DZIP3: variants seen among roughly 807,000 people sequenced by gnomAD.
The protein encoded by DZIP3 is E3 ubiquitin-protein ligase DZIP3.
Under a neutral mutation model 162.0 loss-of-function variants are expected in DZIP3, and 118 were observed. That is an observed-to-expected ratio of 0.73 (90% CI 0.63 to 0.85). DZIP3 has a LOEUF of 0.85. Ranked by LOEUF, DZIP3 falls within the 40% of genes least tolerant of loss-of-function variation. The pLI, the probability that DZIP3 is intolerant of heterozygous loss-of-function variation, is 0.00. For missense variants in DZIP3, 1,331 were observed against 1,407.0 expected, an observed-to-expected ratio of 0.95 and a Z score of 0.86; for synonymous variants, 438 against 458.6, an observed-to-expected ratio of 0.96 and a Z score of 0.57.
In DZIP3 at chr3:108,635,605, A is replaced by G. The variant is rs188209594; in HGVS notation, c.918+633A>G. On this transcript the variant is annotated intron_variant, in intron 10 of 32. Transcript: ENST00000361582. ...TATATATAACTAACTACATAATTAT[A>G]TATAACTATATAACTTATATAATTA... 2.3e-3 allele frequency among the ~76,000 whole-genome samples: 319 copies of G among 135,776 alleles called. 2 individuals are homozygous for G. Among genetic ancestry groups the G allele is most frequent in the African/African-American group, 7.8e-3 (307 of 39,424 alleles). The allele number at this position is 135,776 out of a possible 152,430, so 89.1% of individuals were successfully genotyped here.
At chr3:108,680,773 A>T (rs137914941) in intron 26 of DZIP3, among the ~76,000 whole-genome samples, 189 of 152,310 alleles carry the variant, frequency 1.2e-3, no homozygotes, top group African/African-American at 4.3e-3. Flanking sequence ...CCAATGGAAC[A>T]GAACAGAAGC....
chr3:108,635,466 C>T (rs888100055), intron 10 of DZIP3: 6 of 181,330 alleles, frequency 3.3e-5, no homozygotes, highest in Non-Finnish European at 4.4e-5. Context: ...ATAATAGTTA[C>T]ATATCATATG....
intron 1 of DZIP3, among the ~76,000 whole-genome samples, chr3:108,599,011 A>C (rs1430368272): frequency 6.6e-6 from 1 of 152,244 alleles, no homozygotes; most frequent in African/African-American, 2.4e-5. Context: ...GTGTAAGTCC[A>C]AAAGTAACTA....
Position 108,596,795 on chromosome 3 carries a change from A to G in DZIP3, c.-73+6956A>G, listed in dbSNP as rs1309032364. 2.6e-5 allele frequency among the ~76,000 whole-genome samples: 4 copies of G among 152,172 alleles called. No individual in the cohort carries two copies. In the East Asian group the frequency reaches 7.7e-4, roughly 29 times the overall value. On this transcript the variant is annotated intron_variant, in intron 1 of 32. Coordinates refer to ENST00000361582, the MANE Select transcript of DZIP3 (RefSeq NM_014648.4). Reference sequence around the variant, plus strand: ...CAAGGAATGAAAACAAAGTTTTCCTAACTTCATGGGGCTTATATTCTAGTG... The same window carrying G: ...CAAGGAATGAAAACAAAGTTTTCCTGACTTCATGGGGCTTATATTCTAGTG...
At chr3:108,622,693 G>A (rs1026256804) in intron 5 of DZIP3, among the ~76,000 whole-genome samples, 4 of 152,022 alleles carry the variant, frequency 2.6e-5, no homozygotes, top group Admixed American at 1.3e-4. Flanking sequence ...TGCATTAGGG[G>A]ACACTCTAAG....
Position 108,684,150 on chromosome 3 carries a change from C to G in DZIP3, c.2884-66C>G, listed in dbSNP as rs762313756. 313 of 1,514,748 alleles carry G rather than the reference C, an allele frequency of 2.1e-4. 1 individual carries two copies. The highest frequency in any genetic ancestry group is 2.5e-4 in the Non-Finnish European group (284 of 1,126,102). 93.8% of individuals were successfully genotyped at this position (1,514,748 alleles called of 1,614,324 possible). On this transcript the variant is annotated intron_variant, in intron 26 of 32. Coordinates refer to ENST00000361582, the MANE Select transcript of DZIP3 (RefSeq NM_014648.4). ...ATTGCTGTATGAATTTAGATGATTG[C>G]CTAAATAAATATATAAATATGTGGG...
At chr3:108,593,590 G>A (rs961895440) in intron 1 of DZIP3, among the ~76,000 whole-genome samples, 5 of 151,308 alleles carry the variant, frequency 3.3e-5, no homozygotes, top group African/African-American at 1.2e-4. Flanking sequence ...CTTGTAGGCT[G>A]TACACAGCTG....
chr3:108,682,026 A>G (rs1303448706), intron 26 of DZIP3, among the ~76,000 whole-genome samples: 1 of 150,610 alleles, frequency 6.6e-6, no homozygotes, highest in African/African-American at 2.5e-5. Context: ...ATGTATACCT[A>G]TGAAACAAAC....
At chr3:108,633,990 C>G (rs1037161941) in intron 9 of DZIP3, among the ~76,000 whole-genome samples, 2 of 151,812 alleles carry the variant, frequency 1.3e-5, no homozygotes, top group African/African-American at 4.8e-5. Context: ...AGATCTATCT[C>G]TCTGGATCTA....
intron 10 of DZIP3, chr3:108,635,312 G>T: frequency 4.0e-6 from 1 of 248,704 alleles, no homozygotes; most frequent in Non-Finnish European, 7.9e-6. Context: ...TATGCACATA[G>T]GATCATAGAA....
intron 26 of DZIP3, among the ~76,000 whole-genome samples, chr3:108,678,566 C>T (rs943717483): frequency 5.3e-5 from 8 of 152,054 alleles, no homozygotes; most frequent in Non-Finnish European, 8.8e-5. Context: ...ACTTCTGCCC[C>T]TTCTCTGCTT....
chr3:108,671,818 C>T (rs1943936333), intron 22 of DZIP3, among the ~76,000 whole-genome samples: 2 of 151,908 alleles, frequency 1.3e-5, no homozygotes, highest in African/African-American at 4.8e-5. Context: ...CACAGCAGCT[C>T]TTTGAGGTAA....
Position 108,644,265 on chromosome 3 carries a change from G to T in DZIP3, c.1243G>T (p.Ala415Ser). 1.9e-6 allele frequency: 3 copies of T among 1,613,774 alleles called. No homozygotes were observed. Among genetic ancestry groups the T allele is most frequent in the Non-Finnish European group, 2.5e-6 (3 of 1,179,912 alleles). The change falls in exon 14 of 33, where the codon GCT (alanine) becomes TCT (serine). Residue 415 changes from alanine (A) to serine (S), a missense_variant. Around this residue, in one of 2 missense-constraint regions of DZIP3, gnomAD observed 1,278 missense variants for 1,317.1 expected, o/e 0.97. Transcript: ENST00000361582. The part of the protein sequence containing the change: ...TDIVRQIFDE[A>S]MPPPLLKKEL... ...CATTGTTCGACAAATATTTGATGAG[G>T]CTATGCCACCTCCTCTTTTGAAAAA... is the stretch of plus-strand genomic sequence containing the variant.
In DZIP3 at chr3:108,636,602, A is replaced by C. The variant is rs1455006753; in HGVS notation, c.919-14A>C. 3 of 1,493,088 alleles carry C rather than the reference A, an allele frequency of 2.0e-6. No homozygotes were observed. 92.5% of individuals were successfully genotyped at this position (1,493,088 alleles called of 1,614,324 possible). A position where few individuals can be genotyped will look rare whatever the true frequency, so the allele number is the denominator to read the frequency against. On this transcript the variant is annotated splice_polypyrimidine_tract_variant and intron_variant, in intron 10 of 32. Coordinates refer to ENST00000361582, the MANE Select transcript of DZIP3 (RefSeq NM_014648.4). ...TTTTTTTCTATTTTTATTTTTTTCT[A>C]TTAATAAATTTAGAGTTTTAGTGGG...
intron 19 of DZIP3, among the ~76,000 whole-genome samples, chr3:108,660,577 G>T (rs928999499): frequency 6.6e-6 from 1 of 151,958 alleles, no homozygotes; most frequent in Non-Finnish European, 1.5e-5. Flanking sequence ...CATAGGCATG[G>T]GCAAGGACTT....
intron 7 of DZIP3, among the ~76,000 whole-genome samples, chr3:108,627,918 C>T (rs1199183055): frequency 3.3e-5 from 5 of 151,928 alleles, no homozygotes; most frequent in African/African-American, 9.7e-5. Flanking sequence ...CTCGCTCTGT[C>T]GCCAGGCTAG....
At chr3:108,633,117 A>AAATTATATATAACTATATAT in intron 9 of DZIP3, 45 bp downstream of exon 9, 2 of 1,029,514 alleles carry the variant, frequency 1.9e-6, no homozygotes, top group Non-Finnish European at 1.3e-6. Flanking sequence ...AGTAATTGAA[A>AAATTATATATAACTATATAT]AATTATATAT....
Position 108,693,986 on chromosome 3 carries a change from A to G in DZIP3, c.*633A>G, listed in dbSNP as rs1944791346. Reference sequence around the variant, plus strand: ...GAAAATAGTGTTGTGTGAATGCTGTAAGTGTTGTACATGTCTCTGGTTTCA... The same window carrying G: ...GAAAATAGTGTTGTGTGAATGCTGTGAGTGTTGTACATGTCTCTGGTTTCA... On this transcript the variant is annotated 3_prime_UTR_variant, in exon 33 of 33. Transcript: ENST00000361582. 6.6e-6 allele frequency: 1 copy of G among 152,096 alleles called. No homozygotes were observed. Among genetic ancestry groups the G allele is most frequent in the African/African-American group, 2.4e-5 (1 of 41,422 alleles). 9.4% of individuals were successfully genotyped at this position (152,096 alleles called of 1,614,324 possible).
chr3:108,674,533 A>C (rs1318526413), intron 24 of DZIP3, among the ~76,000 whole-genome samples: 1 of 151,944 alleles, frequency 6.6e-6, no homozygotes, highest in Non-Finnish European at 1.5e-5. Context: ...GTAGATCAAA[A>C]GTCTCAGAGA....
Sources: gnomAD v4.1 joint callset for allele counts (sites outside exome capture counted in the v4.1 genomes callset) on GRCh38, gnomAD v4.1.1 for gene constraint, gnomAD v4.1.1 regional missense constraint, MANE v1.5 for transcripts, NCBI Gene and HGNC (gene_info 2026-07-23, HGNC 2026-07-21) for gene names.